Variants in IL2RB observed in about 807,000 individuals in gnomAD.
IL2RB encodes interleukin 2 receptor subunit beta, also known as interleukin-2 receptor subunit beta.
IL2RB carries 17 observed loss-of-function variants against 44.2 expected under a neutral mutation model. The observed-to-expected ratio is 0.38, with a 90% CI of 0.26 to 0.58. The LOEUF is 0.58. Ranked by LOEUF, IL2RB falls within the 20% of genes least tolerant of loss-of-function variation. The probability of loss-of-function intolerance (pLI) is 0.63; values close to 1 mark genes in which losing one functional copy is unlikely to be tolerated. For missense variants in IL2RB, 624 were observed against 685.5 expected, an observed-to-expected ratio of 0.91 and a Z score of 1.00; for synonymous variants, 286 against 297.9, an observed-to-expected ratio of 0.96 and a Z score of 0.41.
At chr22:37,170,376 T>TCCTCATA (rs1277347915) in intron 1 of IL2RB, among the ~76,000 whole-genome samples, 19 of 152,232 alleles carry the variant, frequency 1.2e-4, no homozygotes, top group African/African-American at 4.6e-4. Flanking sequence ...GGAGAGCAGC[T>TCCTCATA]GAGAAGAGCA....
chr22:37,149,317 C>T (rs565458001), intron 1 of IL2RB, among the ~76,000 whole-genome samples: 2 of 152,350 alleles, frequency 1.3e-5, no homozygotes, highest in East Asian at 1.9e-4. Context: ...AGCAACTTCA[C>T]TTCATAGATG....
chr22:37,135,152 CG>C (rs1241097249), intron 8 of IL2RB, among the ~76,000 whole-genome samples, 175 bp downstream of exon 8: 2 of 152,084 alleles, frequency 1.3e-5, no homozygotes, highest in Non-Finnish European at 2.9e-5. Flanking sequence ...AGACGAAGCA[CG>C]GGTGTATCAG....
At chr22:37,164,279 A>G (rs1284794000) in intron 1 of IL2RB, among the ~76,000 whole-genome samples, 2 of 152,064 alleles carry the variant, frequency 1.3e-5, no homozygotes, top group African/African-American at 2.4e-5. Flanking sequence ...GTCAGGGCCC[A>G]GAAGAGACCT....
chr22:37,140,870 G>C (rs1265575608), intron 4 of IL2RB, among the ~76,000 whole-genome samples: 1 of 152,192 alleles, frequency 6.6e-6, no homozygotes, highest in South Asian at 2.1e-4. Context: ...CTTCCTGGCT[G>C]TGTGACCTTG....
intron 1 of IL2RB, among the ~76,000 whole-genome samples, chr22:37,161,108 C>T (rs918215002): frequency 2.6e-5 from 4 of 152,222 alleles, no homozygotes; most frequent in Non-Finnish European, 5.9e-5. Context: ...TGCCACTGCA[C>T]TCCAGCCTGG....
At chr22:37,152,059 T>C (rs1922511258), upstream of IL2RB, among the ~76,000 whole-genome samples, 1 of 152,260 alleles carries the variant, frequency 6.6e-6, no homozygotes, top group East Asian at 1.9e-4. Flanking sequence ...CTGCATCTTT[T>C]GTGGTTCCAT....
At chr22:37,156,753 G>A (rs1370904424) in intron 1 of IL2RB, among the ~76,000 whole-genome samples, 2 of 152,210 alleles carry the variant, frequency 1.3e-5, no homozygotes, top group Admixed American at 6.5e-5. Context: ...GAGGGCACAC[G>A]GGCAGGGGAG....
intron 8 of IL2RB, among the ~76,000 whole-genome samples, chr22:37,133,187 G>A (rs760595716): frequency 1.4e-4 from 22 of 152,186 alleles, no homozygotes; most frequent in Non-Finnish European, 3.1e-4. Context: ...CTGAAGGGGC[G>A]CAAGAACGAC....
chr22:37,168,378 C>T (rs1363700775), intron 1 of IL2RB, among the ~76,000 whole-genome samples: 1 of 152,184 alleles, frequency 6.6e-6, no homozygotes, highest in African/African-American at 2.4e-5. Flanking sequence ...TAGAACGTGG[C>T]TTGGCTGGAG....
intron 1 of IL2RB, among the ~76,000 whole-genome samples, chr22:37,155,993 GCTGT>G (rs1922667710): frequency 6.6e-6 from 1 of 152,162 alleles, no homozygotes; most frequent in Non-Finnish European, 1.5e-5. Context: ...ATGTCCTTGG[GCTGT>G]CTTTTTTGGG....
At chr22:37,142,393 C>T (rs780717480) in intron 4 of IL2RB, 41 bp downstream of exon 4, 21 of 1,560,024 alleles carry the variant, frequency 1.3e-5, no homozygotes, top group Non-Finnish European at 1.8e-5. Flanking sequence ...AGCTGGGAGA[C>T]CACCCTCTCC....
chr22:37,142,590 T>G, intron 3 of IL2RB, 78 bp from the exon 4 acceptor site: 6 of 1,433,414 alleles, frequency 4.2e-6, no homozygotes, highest in Non-Finnish European at 4.9e-6. Flanking sequence ...CTCAGATCTC[T>G]CTGCTGCCAG....
chr22:37,165,195 G>A (rs562244360), intron 1 of IL2RB, among the ~76,000 whole-genome samples: 1 of 152,364 alleles, frequency 6.6e-6, no homozygotes, highest in Admixed American at 6.5e-5. Flanking sequence ...GATGGGATGT[G>A]GGCCTGGGCC....
chr22:37,153,966 T>G (rs1226073821), upstream of IL2RB, among the ~76,000 whole-genome samples: 4 of 152,230 alleles, frequency 2.6e-5, no homozygotes, highest in Non-Finnish European at 5.9e-5. Flanking sequence ...CTCTTCTTCC[T>G]CCTCATCCTG....
intron 1 of IL2RB, among the ~76,000 whole-genome samples, chr22:37,163,031 TA>T (rs1185439201): frequency 6.6e-6 from 1 of 152,192 alleles, no homozygotes; most frequent in Non-Finnish European, 1.5e-5. Context: ...TTTGGAGACC[TA>T]AGTTTGAGCC....
At chr22:37,162,729 C>T (rs575084095) in intron 1 of IL2RB, among the ~76,000 whole-genome samples, 1 of 152,260 alleles carries the variant, frequency 6.6e-6, no homozygotes, top group Admixed American at 6.5e-5. Flanking sequence ...CCACCCCACC[C>T]CTCTACCCCA....
Position 37,132,492 on chromosome 22 carries a change from G to T in IL2RB, c.819-24C>A, listed in dbSNP as rs1420333155. ...GCCTGGACAGAGGAGAGGAGGGAAGGAGGAGGGTGAGAAAGGGAAGGACCG... is the reference window on the plus strand; with the variant it reads ...GCCTGGACAGAGGAGAGGAGGGAAGTAGGAGGGTGAGAAAGGGAAGGACCG... On this transcript the variant is annotated intron_variant, in intron 8 of 9. Coordinates refer to ENST00000216223, the MANE Select transcript of IL2RB (RefSeq NM_000878.5). 8.8e-6 allele frequency: 14 copies of T among 1,590,324 alleles called. No homozygotes were observed. In the East Asian group the frequency reaches 3.1e-4, roughly 36 times the overall value.
intron 1 of IL2RB, among the ~76,000 whole-genome samples, chr22:37,172,060 C>CAGAG (rs1569056905): frequency 6.6e-6 from 1 of 151,508 alleles, no homozygotes; most frequent in African/African-American, 2.4e-5. Flanking sequence ...GCTCCTGGGA[C>CAGAG]AGATGCTCGG....
chr22:37,163,310 A>G (rs975305282), intron 1 of IL2RB, among the ~76,000 whole-genome samples: 1 of 152,180 alleles, frequency 6.6e-6, no homozygotes, highest in Non-Finnish European at 1.5e-5. Flanking sequence ...TTCATTCATT[A>G]GAATTCAAAG....
Sources: gnomAD v4.1 joint callset for allele counts (sites outside exome capture counted in the v4.1 genomes callset) on GRCh38, gnomAD v4.1.1 for gene constraint, MANE v1.5 for transcripts, NCBI Gene and HGNC (gene_info 2026-07-23, HGNC 2026-07-21) for gene names.